VCP: variants seen among roughly 807,000 people sequenced by gnomAD.
The protein encoded by VCP is transitional endoplasmic reticulum ATPase.
In VCP, 6 loss-of-function variants were observed where a neutral mutation model predicts 85.7. That is an observed-to-expected ratio of 0.07 (90% CI 0.04 to 0.14). The LOEUF (loss-of-function observed/expected upper bound fraction) is 0.14. VCP is among the 10% of genes least tolerant of loss of function. VCP has a pLI of 1.00. For synonymous variants in VCP, 384 were observed against 367.1 expected (o/e 1.05, Z -0.53); for missense variants, 353 against 1,043.4 (o/e 0.34, Z 9.12).
At chr9:35,064,004 G>A (rs976849979) in intron 6 of VCP, 150 bp downstream of exon 6, 2 of 1,316,766 alleles carry the variant, frequency 1.5e-6, no homozygotes, top group Non-Finnish European at 2.2e-6. Flanking sequence ...TGAATTTAGA[G>A]CCTTAGGTAA....
intron 4 of VCP, among the ~76,000 whole-genome samples, chr9:35,066,294 C>A (rs1196782692): frequency 7.0e-6 from 1 of 141,848 alleles, no homozygotes; most frequent in Non-Finnish European, 1.5e-5. Flanking sequence ...CAGAGTCTTG[C>A]TCTGTCACCC....
At chr9:35,067,093 A>G (rs1056012643) in intron 3 of VCP, among the ~76,000 whole-genome samples, 3 of 152,214 alleles carry the variant, frequency 2.0e-5, no homozygotes, top group Non-Finnish European at 2.9e-5. Flanking sequence ...ATCCCCTTCT[A>G]GCTAATACTG....
intron 2 of VCP, 30 bp downstream of exon 2, chr9:35,068,221 A>G (rs1379535835): frequency 6.2e-7 from 1 of 1,610,798 alleles, no homozygotes; most frequent in Non-Finnish European, 8.5e-7. Flanking sequence ...AAGTGCAGTA[A>G]GGAAAGACTA....
At position 35,072,561 on chromosome 9, in the gene VCP, G is replaced by GTGGCAC. The variant is rs1828982512; in HGVS notation, c.-209_-208insGTGCCA. On this transcript the variant is annotated 5_prime_UTR_variant, in exon 1 of 17. Coordinates refer to ENST00000358901, the MANE Select transcript of VCP (RefSeq NM_007126.5). The stretch of plus-strand genomic sequence containing the variant: ...CTGGCTCCTGATCCGCGAGGTGGCA[G>GTGGCAC]TGGCAGTGGCAGCGGCAGCGGCAGC... 1 of 548,620 alleles carries GTGGCAC rather than the reference G, an allele frequency of 1.8e-6. No homozygotes were observed. Among genetic ancestry groups the GTGGCAC allele is most frequent in the Non-Finnish European group, 3.0e-6 (1 of 337,748 alleles). The allele number at this position is 548,620 out of a possible 1,614,324, so 34.0% of individuals were successfully genotyped here.
At position 35,064,714 on chromosome 9, in the gene VCP, C is replaced by T. The variant is rs562695875; in HGVS notation, c.577-429G>A. Among the ~76,000 whole-genome samples, 178 of 152,336 alleles carry T rather than the reference C, an allele frequency of 1.2e-3. 2 individuals are homozygous for T. The Middle Eastern group carries it at 0.024, about 20-fold the overall frequency. ...AGGCCTGAAGCCACCATCAGCTTTA[C>T]TTCAAAAATGATTTCAATCACTTAT... On this transcript the variant is annotated intron_variant, in intron 5 of 16. Transcript: ENST00000358901.
At position 35,061,994 on chromosome 9, in the gene VCP, A is replaced by G. The variant is rs773115735; in HGVS notation, c.1081+9T>C. 6.8e-6 allele frequency: 11 copies of G among 1,614,166 alleles called. No homozygotes were observed. Among genetic ancestry groups the G allele is most frequent in the Admixed American group, 1.7e-5 (1 of 60,026 alleles). On this transcript the variant is annotated intron_variant, in intron 9 of 16. Transcript: ENST00000358901. ...CAAGGACGGGGTCAAAAGTATCTGG[A>G]GTCCTTACCAAATCGCCGTAGAGCT...
At chr9:35,061,310 AC>A in intron 10 of VCP, 131 bp from the exon 11 acceptor site, 1 of 1,269,440 alleles carries the variant, frequency 7.9e-7, no homozygotes, top group African/African-American at 1.5e-5. Context: ...TACTATCAAT[AC>A]CTTTATGGGC....
chr9:35,061,177 T>C lies in VCP; in HGVS notation c.1197A>G (p.Val399=), dbSNP rs886044575. Residue 399 remains valine (V), a splice_region_variant and synonymous_variant, in exon 11 of 17, where the codon GTA becomes GTG. Coordinates refer to ENST00000358901, the MANE Select transcript of VCP (RefSeq NM_007126.5). The stretch of plus-strand genomic sequence containing the variant: ...CCACATGCCCGTGAGTCTCATTGGC[T>C]ACCTGCAGAGAAAGATCTACTTACT... ...KLADDVDLEQ[V]ANETHGHVGA... 1.9e-6 allele frequency: 3 copies of C among 1,613,132 alleles called. No homozygotes were observed. The highest frequency in any genetic ancestry group is 1.9e-4 in the Middle Eastern group (1 of 5,218).
chr9:35,065,453 T>C, intron 4 of VCP, 72 bp from the exon 5 acceptor site: 1 of 1,604,466 alleles, frequency 6.2e-7, no homozygotes, highest in Non-Finnish European at 8.5e-7. Flanking sequence ...CATCAGACCC[T>C]GGGGTCAAAA....
At chr9:35,063,552 C>T (rs1369092595) in intron 6 of VCP, among the ~76,000 whole-genome samples, 1 of 152,186 alleles carries the variant, frequency 6.6e-6, no homozygotes, top group Non-Finnish European at 1.5e-5. Flanking sequence ...CATTTTTCTT[C>T]TTCAACACTA....
intron 7 of VCP, 129 bp downstream of exon 7, chr9:35,062,849 G>T: frequency 1.1e-6 from 1 of 885,424 alleles, no homozygotes; most frequent in Non-Finnish European, 1.9e-6. Flanking sequence ...ACATACCCCA[G>T]CATAAGAAAT....
intron 11 of VCP, 36 bp downstream of exon 11, chr9:35,060,979 G>T (rs764251946): frequency 6.2e-7 from 1 of 1,614,172 alleles, no homozygotes; most frequent in Non-Finnish European, 8.5e-7. Context: ...GTCAAAGCAC[G>T]TATGTGTGTA....
chr9:35,071,136 C>G (rs1828932872), intron 1 of VCP, among the ~76,000 whole-genome samples: 1 of 152,030 alleles, frequency 6.6e-6, no homozygotes, highest in Non-Finnish European at 1.5e-5. Context: ...TGCATATAAA[C>G]CAAAAGAATA....
Position 35,072,512 on chromosome 9 carries a change from C to G in VCP, c.-159G>C. On this transcript the variant is annotated 5_prime_UTR_variant, in exon 1 of 17. Transcript: ENST00000358901. Reference sequence around the variant, plus strand: ...CTTCCCTCTCGCTTCCTCCCACCGGCAGCGAGGCGTCGGGCGAACAACGCT... The same window carrying G: ...CTTCCCTCTCGCTTCCTCCCACCGGGAGCGAGGCGTCGGGCGAACAACGCT... 1 of 935,580 alleles carries G rather than the reference C, an allele frequency of 1.1e-6. No homozygotes were observed. The highest frequency in any genetic ancestry group is 1.5e-6 in the Non-Finnish European group (1 of 686,482). The allele number at this position is 935,580 out of a possible 1,614,324, so 58.0% of individuals were successfully genotyped here.
At chr9:35,072,206 C>T in intron 1 of VCP, 131 bp downstream of exon 1, 1 of 1,446,660 alleles carries the variant, frequency 6.9e-7, no homozygotes, top group Non-Finnish European at 9.2e-7. Flanking sequence ...CACTCGCCCC[C>T]TAGCTTCCCT....
In VCP at chr9:35,065,384, G is replaced by A. The variant is rs1393998780; in HGVS notation, c.446-3C>T. 3.1e-6 allele frequency: 5 copies of A among 1,614,016 alleles called. No individual in the cohort carries two copies. Among genetic ancestry groups the A allele is most frequent in the Non-Finnish European group, 4.2e-6 (5 of 1,180,024 alleles). On this transcript the variant is annotated splice_region_variant and splice_polypyrimidine_tract_variant and intron_variant, in intron 4 of 16. Transcript: ENST00000358901. ...ACCACGGACAAGAAAAATGTCTCCT[G>A]CGAGAGCAAACAGTACAAGCACAGT...
intron 15 of VCP, among the ~76,000 whole-genome samples, chr9:35,058,674 G>C: frequency 6.6e-6 from 1 of 152,210 alleles, no homozygotes; most frequent in East Asian, 1.9e-4. Context: ...GGCTGAGGCA[G>C]GAGAATCGCT....
intron 1 of VCP, among the ~76,000 whole-genome samples, chr9:35,070,559 G>A (rs1828920168): frequency 6.6e-6 from 1 of 152,118 alleles, no homozygotes; most frequent in Admixed American, 6.5e-5. Flanking sequence ...TCAGCCTCCA[G>A]AGTGGCTGGG....
At chr9:35,065,222 C>T (rs756444679) in intron 5 of VCP, 29 bp downstream of exon 5, 10 of 1,613,734 alleles carry the variant, frequency 6.2e-6, no homozygotes, top group African/African-American at 4.0e-5. Context: ...ATCATAAAAT[C>T]GGATACTGGA....
Sources: allele counts gnomAD v4.1 joint callset (sites outside exome capture counted in the v4.1 genomes callset), GRCh38; gene constraint gnomAD v4.1.1; transcripts MANE v1.5; gene names NCBI Gene and HGNC (gene_info 2026-07-23, HGNC 2026-07-21).